Variants in SGSM1 observed in about 807,000 individuals in gnomAD.
SGSM1 encodes the protein small G protein signaling modulator 1, also known as RUN and TBC1 domain containing 2.
SGSM1 carries 73 observed loss-of-function variants against 133.8 expected under a neutral mutation model. The observed-to-expected ratio is 0.55, with a 90% CI of 0.45 to 0.66. SGSM1 has a LOEUF of 0.66. Ranked by LOEUF, SGSM1 falls within the 30% of genes least tolerant of loss-of-function variation. The pLI is 0.00. For synonymous variants in SGSM1, 563 were observed against 573.0 expected (o/e 0.98, Z 0.25); for missense variants, 1,213 against 1,448.1 (o/e 0.84, Z 2.64).
At chr22:24,853,769 A>ATTTTTTTTTTTTTTTT (rs57736929) in intron 5 of SGSM1, among the ~76,000 whole-genome samples, 16 of 123,446 alleles carry the variant, frequency 1.3e-4, no homozygotes, top group African/African-American at 3.3e-4. Context: ...CGCCTGGTGA[A>ATTTTTTTTTTTTTTTT]TTTTTTTTTT....
chr22:24,851,461 A>G (rs1601921880), intron 5 of SGSM1, among the ~76,000 whole-genome samples: 1 of 130,622 alleles, frequency 7.7e-6, no homozygotes, highest in African/African-American at 4.3e-5. Flanking sequence ...AGAGAGAGAG[A>G]GAGAGAGAGA....
At chr22:24,810,469 C>T (rs1436839451) in intron 2 of SGSM1, among the ~76,000 whole-genome samples, 1 of 152,084 alleles carries the variant, frequency 6.6e-6, no homozygotes, top group Non-Finnish European at 1.5e-5. Context: ...CTTTACCCTC[C>T]CTGCCAACCC....
At chr22:24,854,020 A>T (rs1368566092) in intron 5 of SGSM1, among the ~76,000 whole-genome samples, 1 of 151,938 alleles carries the variant, frequency 6.6e-6, no homozygotes, top group East Asian at 1.9e-4. Flanking sequence ...AGTCACTATC[A>T]CAAGAATAGC....
chr22:24,873,362 C>T (rs754345553), intron 12 of SGSM1, among the ~76,000 whole-genome samples: 61 of 151,946 alleles, frequency 4.0e-4, no homozygotes, highest in Non-Finnish European at 2.5e-4. Context: ...GTGGGGGTTG[C>T]CTTGTGTTTT....
At chr22:24,810,151 A>G (rs895054718) in intron 2 of SGSM1, among the ~76,000 whole-genome samples, 1 of 152,196 alleles carries the variant, frequency 6.6e-6, no homozygotes, top group African/African-American at 2.4e-5. Context: ...CATCGAGAAC[A>G]GGGAAAGAAG....
chr22:24,911,413 TC>T (rs575262295), intron 21 of SGSM1, among the ~76,000 whole-genome samples: 222 of 150,300 alleles, frequency 1.5e-3, no homozygotes, highest in African/African-American at 5.1e-3. Flanking sequence ...TCCCTCAGCC[TC>T]CCGAGTAGCT....
At chr22:24,917,201 G>T (rs1324985349) in intron 22 of SGSM1, among the ~76,000 whole-genome samples, 1 of 151,606 alleles carries the variant, frequency 6.6e-6, no homozygotes, top group African/African-American at 2.4e-5. Flanking sequence ...CATTCTTCTT[G>T]GGTATATACC....
At chr22:24,911,820 T>C (rs1933634686) in intron 21 of SGSM1, among the ~76,000 whole-genome samples, 1 of 152,094 alleles carries the variant, frequency 6.6e-6, no homozygotes, top group Non-Finnish European at 1.5e-5. Flanking sequence ...TTTGAGAGGC[T>C]GAGGCAGGCA....
rs539359019 is a variant in SGSM1, at chr22:24,869,873, C to T, written c.1291+1018C>T. Among the ~76,000 whole-genome samples, 109 of 152,280 alleles carry T rather than the reference C, an allele frequency of 7.2e-4. No individual in the cohort carries two copies. In the South Asian group the frequency reaches 0.022, roughly 31 times the overall value. ...CCATTGCAGGGCTATGGTGAGGATT[C>T]AGTGAATTAAGATTTGAAAAGTACT... On this transcript the variant is annotated intron_variant, in intron 12 of 24. Transcript: ENST00000400358.
chr22:24,882,646 G>A (rs1027631530), intron 14 of SGSM1, among the ~76,000 whole-genome samples: 12 of 151,996 alleles, frequency 7.9e-5, no homozygotes, highest in South Asian at 2.1e-4. Flanking sequence ...ATTAACCAAC[G>A]TCTCTGCATC....
intron 21 of SGSM1, among the ~76,000 whole-genome samples, chr22:24,907,553 T>G (rs1314687080): frequency 6.6e-6 from 1 of 151,948 alleles, no homozygotes; most frequent in East Asian, 1.9e-4. Context: ...TTTTTTGGTT[T>G]TTTTGCAAAA....
chr22:24,893,668 T>A, intron 17 of SGSM1, 55 bp downstream of exon 17: 1 of 1,476,908 alleles, frequency 6.8e-7, no homozygotes, highest in Non-Finnish European at 9.0e-7. Context: ...CAGGGTCTGC[T>A]TCATTGGGCT....
intron 24 of SGSM1, among the ~76,000 whole-genome samples, chr22:24,922,338 A>C (rs969218800): frequency 6.6e-6 from 1 of 151,628 alleles, no homozygotes; most frequent in Non-Finnish European, 1.5e-5. Context: ...CCGCCACCAC[A>C]CCTGGCTAAT....
At chr22:24,832,499 C>T (rs1284133562) in intron 2 of SGSM1, among the ~76,000 whole-genome samples, 3 of 152,160 alleles carry the variant, frequency 2.0e-5, no homozygotes, top group Non-Finnish European at 4.4e-5. Context: ...CCCTCGGTCT[C>T]ATCATCTGAG....
At chr22:24,901,015 A>T (rs1157319019) in intron 19 of SGSM1, 1 of 152,252 alleles carries the variant, frequency 6.6e-6, no homozygotes, top group Non-Finnish European at 1.5e-5. Context: ...CCACCCAGGT[A>T]ATGGGAGTTT....
intron 5 of SGSM1, 109 bp downstream of exon 5, chr22:24,850,541 A>T: frequency 2.1e-6 from 3 of 1,436,418 alleles, no homozygotes; most frequent in Non-Finnish European, 2.8e-6. Context: ...CTTGACAGCC[A>T]CTAAATTTGA....
At position 24,855,423 on chromosome 22, in the gene SGSM1, C is replaced by T. The variant is rs1300623309; in HGVS notation, c.662C>T (p.Ala221Val). 6.2e-7 allele frequency: 1 copy of T among 1,613,488 alleles called. No homozygotes were observed. The change falls in exon 7 of 25, where the codon GCC becomes GTC. Residue 221 changes from alanine to valine, a missense_variant. Physicochemically the swap from Ala to Val is moderately conservative, Grantham distance 64. Coordinates refer to ENST00000400358, the MANE Select transcript of SGSM1 (RefSeq NM_001098497.3). ...CAGGACTCGCCCACCAAGCGTCCTG[C>T]CCTCTGTGTGAGTGGGGTGGACAGT... ...VRQDSPTKRPALCIQKRHSSG... is the reference protein window; with the variant it reads ...VRQDSPTKRPVLCIQKRHSSG...
At chr22:24,850,851 A>C (rs546011569) in intron 5 of SGSM1, among the ~76,000 whole-genome samples, 1 of 152,290 alleles carries the variant, frequency 6.6e-6, no homozygotes, top group South Asian at 2.1e-4. Flanking sequence ...TAATCCCAGC[A>C]CTTTGGGAGG....
intron 2 of SGSM1, among the ~76,000 whole-genome samples, chr22:24,829,300 A>G (rs1172764974): frequency 6.6e-6 from 1 of 152,138 alleles, no homozygotes; most frequent in Non-Finnish European, 1.5e-5. Context: ...CAAATACCAC[A>G]TGTTTTCACT....
Sources: gnomAD v4.1 joint callset for allele counts (sites outside exome capture counted in the v4.1 genomes callset) on GRCh38, gnomAD v4.1.1 for gene constraint, MANE v1.5 for transcripts, NCBI Gene and HGNC (gene_info 2026-07-23, HGNC 2026-07-21) for gene names.